MTREX: variants seen among roughly 807,000 people sequenced by gnomAD.
The protein encoded by MTREX is exosome RNA helicase MTR4.
A neutral mutation model predicts 135.4 loss-of-function variants in MTREX; 76 were observed. That is an observed-to-expected ratio of 0.56 (90% CI 0.47 to 0.68). The LOEUF (loss-of-function observed/expected upper bound fraction) is 0.68, where lower values mean the gene tolerates loss of function less well. Among genes scored for constraint, MTREX ranks in the 30% least tolerant of loss-of-function variants. The probability of loss-of-function intolerance (pLI) is 0.00; values close to 1 mark genes in which losing one functional copy is unlikely to be tolerated. For missense variants in MTREX, 920 were observed against 1,262.1 expected, an observed-to-expected ratio of 0.73 and a Z score of 4.11; for synonymous variants, 404 against 401.6, an observed-to-expected ratio of 1.01 and a Z score of -0.07.
intron 26 of MTREX, chr5:55,424,510 G>C (rs1751116096): frequency 2.0e-6 from 1 of 490,500 alleles, no homozygotes; most frequent in Non-Finnish European, 3.7e-6. Context: ...GAGTATTTCA[G>C]AGTCAAAAGA....
intron 23 of MTREX, among the ~76,000 whole-genome samples, chr5:55,411,728 G>A (rs957080772): frequency 6.6e-6 from 1 of 152,062 alleles, no homozygotes; most frequent in African/African-American, 2.4e-5. Context: ...TATGAAATAT[G>A]CATACAAAAG....
At chr5:55,406,616 C>T (rs1579898515) in intron 22 of MTREX, among the ~76,000 whole-genome samples, 1 of 152,174 alleles carries the variant, frequency 6.6e-6, no homozygotes, top group East Asian at 1.9e-4. Context: ...TAGATTCCAA[C>T]TCTTGATGGG....
In MTREX at chr5:55,422,909, A is replaced by G. The variant is rs1418442647; in HGVS notation, c.3003A>G (p.Glu1001=). 2 of 1,614,030 alleles carry G rather than the reference A, an allele frequency of 1.2e-6. No individual in the cohort carries two copies. Among genetic ancestry groups the G allele is most frequent in the South Asian group, 1.1e-5 (1 of 91,016 alleles). Residue 1001 remains glutamate, a synonymous_variant, in exon 26 of 27, where the codon GAA becomes GAG. Transcript: ENST00000230640. ...TAATTCGTTGTATGAGGCGCCTGGA[A>G]GAATTGCTTCGACAAATGTGTCAAG... is the stretch of plus-strand genomic sequence containing the variant. The part of the protein sequence containing the change: ...GSIIRCMRRL[E]ELLRQMCQAA...
chr5:55,369,499 A>G (rs1318452312), intron 16 of MTREX, among the ~76,000 whole-genome samples: 2 of 152,146 alleles, frequency 1.3e-5, no homozygotes, highest in African/African-American at 4.8e-5. Context: ...ATTACTTTTT[A>G]AAAGCATCCC....
chr5:55,348,150 T>C (rs527984542), intron 11 of MTREX, among the ~76,000 whole-genome samples: 1 of 152,270 alleles, frequency 6.6e-6, no homozygotes, highest in South Asian at 2.1e-4. Context: ...AAATCCAATT[T>C]GAGGGACCCA....
In MTREX at chr5:55,404,479, AAT is replaced by A. The variant is rs1750770026; in HGVS notation, c.2482-944_2482-943del. Among the ~76,000 whole-genome samples the A allele has an allele frequency of 3.3e-5, 5 of 152,234 alleles. No homozygotes were observed. The South Asian group carries it at 1.0e-3, about 32-fold the overall frequency. ...ATTTAACTTAAGGGCAAAGAGAAGG[AAT>A]AGTTTTCAGGACATCATGGGGGAAA... On this transcript the variant is annotated intron_variant, in intron 21 of 26. Transcript: ENST00000230640.
chr5:55,372,132 T>A (rs1428393622), intron 16 of MTREX, among the ~76,000 whole-genome samples: 2 of 152,158 alleles, frequency 1.3e-5, no homozygotes, highest in Non-Finnish European at 2.9e-5. Flanking sequence ...GATCATCATT[T>A]CAGTGTGCAG....
rs374930723 is a variant in MTREX, at chr5:55,321,448, G to C, written c.135-879G>C. On this transcript the variant is annotated intron_variant, in intron 1 of 26. Transcript: ENST00000230640. ...ACCCCTAATTTTCTGTCCTGGTTAAGAAGTCCGGAAGATCATTTTCTCATT... is the reference window on the plus strand; with the variant it reads ...ACCCCTAATTTTCTGTCCTGGTTAACAAGTCCGGAAGATCATTTTCTCATT... 1.1e-4 allele frequency among the ~76,000 whole-genome samples: 17 copies of C among 152,114 alleles called. No homozygotes were observed. In the East Asian group the frequency reaches 1.2e-3, roughly 10 times the overall value.
At chr5:55,322,200 G>A in intron 1 of MTREX, 127 bp from the exon 2 acceptor site, 1 of 696,540 alleles carries the variant, frequency 1.4e-6, no homozygotes, top group Non-Finnish European at 2.2e-6. Flanking sequence ...TCAGCCAGTT[G>A]TTGTTTGTAA....
chr5:55,325,179 A>C (rs1434451927), intron 3 of MTREX, among the ~76,000 whole-genome samples: 2 of 152,168 alleles, frequency 1.3e-5, no homozygotes, highest in African/African-American at 2.4e-5. Context: ...TTGAATAAGC[A>C]GAGTAATCCA....
intron 15 of MTREX, among the ~76,000 whole-genome samples, chr5:55,360,257 C>T (rs1749985632): frequency 6.6e-6 from 1 of 152,160 alleles, no homozygotes; most frequent in African/African-American, 2.4e-5. Context: ...AAGTTTTATG[C>T]ATGTTGTAAC....
chr5:55,386,091 A>T (rs1750474406), intron 18 of MTREX, among the ~76,000 whole-genome samples: 1 of 152,186 alleles, frequency 6.6e-6, no homozygotes, highest in Non-Finnish European at 1.5e-5. Context: ...TGGCCAATAG[A>T]GCTTGCCAGA....
chr5:55,315,700 T>G (rs888998186), intron 1 of MTREX, among the ~76,000 whole-genome samples: 1 of 151,996 alleles, frequency 6.6e-6, no homozygotes, highest in African/African-American at 2.4e-5. Flanking sequence ...AGAAGGTGGT[T>G]GTTCTACACT....
intron 7 of MTREX, 63 bp downstream of exon 7, chr5:55,341,834 G>A (rs1749653866): frequency 1.8e-5 from 15 of 826,058 alleles, no homozygotes; most frequent in Non-Finnish European, 2.7e-5. Context: ...GGAATTTTGA[G>A]CAAGTTATTG....
rs1227070764 is a variant in MTREX, at chr5:55,425,178, C to CA, written c.*407dup. On this transcript the variant is annotated 3_prime_UTR_variant, in exon 27 of 27. Coordinates refer to ENST00000230640, the MANE Select transcript of MTREX (RefSeq NM_015360.5). The stretch of plus-strand genomic sequence containing the variant: ...AATCATTTTCCTTTAGAAAACAGGC[C>CA]AGCTTCACCTGGGCACCCTGCTGCC... The CA allele has an allele frequency of 1.3e-6, 2 of 1,596,680 alleles. No homozygotes were observed. The highest frequency in any genetic ancestry group is 1.7e-6 in the Non-Finnish European group (2 of 1,175,204).
In MTREX at chr5:55,312,876, T is replaced by C. The variant is rs746681561; in HGVS notation, c.134+4729T>C. 4.5e-4 allele frequency among the ~76,000 whole-genome samples: 69 copies of C among 152,216 alleles called. 1 individual carries two copies. The highest frequency in any genetic ancestry group is 9.4e-4 in the Non-Finnish European group (64 of 68,042). ...TGTTTTTTGGATTTTCTGGACTCAC[T>C]ATACACTTTCAGTGCTAAACTTGGA... On this transcript the variant is annotated intron_variant, in intron 1 of 26. Transcript: ENST00000230640.
chr5:55,340,494 A>G (rs1268962663), intron 6 of MTREX, among the ~76,000 whole-genome samples: 1 of 152,170 alleles, frequency 6.6e-6, no homozygotes, highest in Non-Finnish European at 1.5e-5. Flanking sequence ...GCATTTGAAT[A>G]TATAGTAATA....
chr5:55,423,020 A>G, intron 26 of MTREX, 38 bp downstream of exon 26: 1 of 1,535,434 alleles, frequency 6.5e-7, no homozygotes, highest in Non-Finnish European at 9.0e-7. Context: ...TAATTTAGAC[A>G]AATTTGGTGA....
At chr5:55,317,235 A>G (rs1361879056) in intron 1 of MTREX, among the ~76,000 whole-genome samples, 6 of 152,246 alleles carry the variant, frequency 3.9e-5, no homozygotes, top group Non-Finnish European at 8.8e-5. Context: ...TACAGATTCA[A>G]TGCTATTCCT....
Sources: gnomAD v4.1 joint callset for allele counts (sites outside exome capture counted in the v4.1 genomes callset) on GRCh38, gnomAD v4.1.1 for gene constraint, MANE v1.5 for transcripts, NCBI Gene and HGNC (gene_info 2026-07-23, HGNC 2026-07-21) for gene names.